The following SLC9A9 variants were observed in gnomAD, a reference collection of about 807,000 sequenced individuals.
SLC9A9 encodes sodium/hydrogen exchanger 9.
In SLC9A9, 62 loss-of-function variants were observed where a neutral mutation model predicts 77.8. The observed-to-expected ratio is 0.80, with a 90% confidence interval of 0.65 to 0.98. SLC9A9 has a LOEUF of 0.98. Among genes scored for constraint, SLC9A9 ranks in the 50% least tolerant of loss-of-function variants. The pLI is 0.00. For missense variants in SLC9A9, 775 were observed against 774.9 expected (o/e 1.00, Z 0.00); for synonymous variants, 320 against 283.5 (o/e 1.13, Z -1.29).
intron 14 of SLC9A9, among the ~76,000 whole-genome samples, chr3:143,311,374 G>A (rs571724284): frequency 2.0e-4 from 30 of 152,310 alleles, no homozygotes; most frequent in African/African-American, 7.0e-4. Context: ...GATAAGGAAT[G>A]ACTTAAGGGC....
At chr3:143,461,360 T>C (rs932333272) in intron 12 of SLC9A9, among the ~76,000 whole-genome samples, 1 of 152,316 alleles carries the variant, frequency 6.6e-6, no homozygotes, top group African/African-American at 2.4e-5. Context: ...TTCCCATGTA[T>C]ACCATGCTTT....
chr3:143,452,278 C>T (rs921392861), intron 12 of SLC9A9, among the ~76,000 whole-genome samples: 1 of 151,854 alleles, frequency 6.6e-6, no homozygotes. Context: ...CCTCATGTGC[C>T]CATTAGCACA....
At chr3:143,371,088 G>A (rs1027689619) in intron 13 of SLC9A9, among the ~76,000 whole-genome samples, 1 of 152,110 alleles carries the variant, frequency 6.6e-6, no homozygotes, top group African/African-American at 2.4e-5. Context: ...CCAGAAGTCT[G>A]TGGAGATGTT....
intron 9 of SLC9A9, among the ~76,000 whole-genome samples, chr3:143,497,326 T>G (rs912316784): frequency 6.6e-6 from 1 of 152,130 alleles, no homozygotes; most frequent in African/African-American, 2.4e-5. Context: ...CCCACTTCAT[T>G]CCCTACTCTC....
At chr3:143,317,959 C>A (rs1344724880) in intron 14 of SLC9A9, among the ~76,000 whole-genome samples, 5 of 152,162 alleles carry the variant, frequency 3.3e-5, no homozygotes, top group Non-Finnish European at 7.3e-5. Context: ...GATCTCCTGA[C>A]CTCATGATCT....
chr3:143,382,158 G>T, intron 12 of SLC9A9, 44 bp from the exon 13 acceptor site: 1 of 1,604,970 alleles, frequency 6.2e-7, no homozygotes, highest in Non-Finnish European at 8.5e-7. Flanking sequence ...TGCTGCAGAA[G>T]GAATGAGACA....
intron 14 of SLC9A9, among the ~76,000 whole-genome samples, chr3:143,319,236 T>C (rs974528752): frequency 6.6e-6 from 1 of 152,180 alleles, no homozygotes; most frequent in African/African-American, 2.4e-5. Flanking sequence ...CCAAAAAGAC[T>C]ATGGTCCTCA....
intron 4 of SLC9A9, among the ~76,000 whole-genome samples, chr3:143,722,282 G>T (rs368528685): frequency 6.6e-6 from 1 of 151,960 alleles, no homozygotes; most frequent in African/African-American, 2.4e-5. Context: ...GACCATCCTG[G>T]CTAAAGCGGT....
In SLC9A9 at chr3:143,774,896, G is replaced by A. The variant is rs191232560; in HGVS notation, c.533+20105C>T. Among the ~76,000 whole-genome samples, 6 of 152,170 alleles carry A rather than the reference G, an allele frequency of 3.9e-5. No individual in the cohort carries two copies. In the East Asian group the frequency reaches 9.6e-4, roughly 24 times the overall value. On this transcript the variant is annotated intron_variant, in intron 4 of 15. Transcript: ENST00000316549. The stretch of plus-strand genomic sequence containing the variant: ...CCTCAACTGCTCGGTTGCCTCCTCC[G>A]TTCATTTTCTCCTCAGCTTTTCTGG...
intron 4 of SLC9A9, among the ~76,000 whole-genome samples, chr3:143,712,853 A>T (rs1279657436): frequency 1.3e-5 from 2 of 152,176 alleles, no homozygotes; most frequent in Non-Finnish European, 2.9e-5. Context: ...ACTACAGAAA[A>T]TTGCCAAGAC....
chr3:143,562,422 G>C (rs1289926588), intron 8 of SLC9A9, among the ~76,000 whole-genome samples: 1 of 152,012 alleles, frequency 6.6e-6, no homozygotes, highest in Non-Finnish European at 1.5e-5. Context: ...TGATTGCGGG[G>C]CATATCTGAG....
chr3:143,696,671 T>C (rs1357710643), intron 4 of SLC9A9, among the ~76,000 whole-genome samples: 1 of 152,208 alleles, frequency 6.6e-6, no homozygotes, highest in Non-Finnish European at 1.5e-5. Flanking sequence ...AACTTTGTGA[T>C]CTGTCACTAT....
At chr3:143,848,114 A>C in intron 1 of SLC9A9, 34 bp downstream of exon 1, 1 of 1,593,510 alleles carries the variant, frequency 6.3e-7, no homozygotes, top group Non-Finnish European at 8.6e-7. Context: ...TCAAGCAACA[A>C]GTTTCACATC....
chr3:143,652,338 A>G lies in SLC9A9; in HGVS notation c.672T>C (p.His224=). ...ACAGGTCAGGGTCGACGTGCAGTTCATGGAAAATGGCCAGCACTGTCACTA... is the reference window on the plus strand; with the variant it reads ...ACAGGTCAGGGTCGACGTGCAGTTCGTGGAAAATGGCCAGCACTGTCACTA... The part of the protein sequence containing the change: ...TDPVTVLAIF[H]ELHVDPDLYT... The change falls in exon 6 of 16, where the codon CAT becomes CAC. Residue 224 remains histidine, a synonymous_variant. Transcript: ENST00000316549. The G allele has an allele frequency of 6.2e-7, 1 of 1,612,872 alleles. No homozygotes were observed. The highest frequency in any genetic ancestry group is 8.5e-7 in the Non-Finnish European group (1 of 1,179,494).
At chr3:143,640,276 T>C (rs959790661) in intron 6 of SLC9A9, among the ~76,000 whole-genome samples, 9 of 152,138 alleles carry the variant, frequency 5.9e-5, no homozygotes, top group East Asian at 3.9e-4. Context: ...CCGCCTTGGC[T>C]TCCCAAAGTG....
intron 5 of SLC9A9, among the ~76,000 whole-genome samples, chr3:143,659,412 C>A (rs958680085): frequency 6.6e-6 from 1 of 152,158 alleles, no homozygotes; most frequent in Non-Finnish European, 1.5e-5. Context: ...GCTTCCCAAA[C>A]AAATGTTTCT....
intron 4 of SLC9A9, among the ~76,000 whole-genome samples, chr3:143,777,689 A>G (rs1181730270): frequency 1.3e-5 from 2 of 148,578 alleles, no homozygotes; most frequent in Admixed American, 6.8e-5. Flanking sequence ...AATTAGTATT[A>G]TTACTTCCAA....
At chr3:143,825,414 G>GAA (rs11452243) in intron 2 of SLC9A9, among the ~76,000 whole-genome samples, 93 of 149,050 alleles carry the variant, frequency 6.2e-4, no homozygotes, top group Admixed American at 1.1e-3. Flanking sequence ...TGGATGGTGA[G>GAA]AAAAAAAAAA....
chr3:143,427,788 C>G (rs1261158788), intron 12 of SLC9A9, among the ~76,000 whole-genome samples: 5 of 152,204 alleles, frequency 3.3e-5, no homozygotes, highest in Non-Finnish European at 7.3e-5. Context: ...TCAGTCATGT[C>G]TCCTGGGGTT....
Sources: gnomAD v4.1 joint callset for allele counts (sites outside exome capture counted in the v4.1 genomes callset) on GRCh38, gnomAD v4.1.1 for gene constraint, MANE v1.5 for transcripts, NCBI Gene and HGNC (gene_info 2026-07-23, HGNC 2026-07-21) for gene names.